PHF20L1: variants seen among roughly 807,000 people sequenced by gnomAD.
The protein encoded by PHF20L1 is PHD finger protein 20 like 1.
Under a neutral mutation model 125.5 loss-of-function variants are expected in PHF20L1, and 44 were observed. The ratio of observed to expected loss-of-function variants is 0.35; its 90% CI spans 0.28 to 0.45. The LOEUF (loss-of-function observed/expected upper bound fraction) is 0.45. Ranked by LOEUF, PHF20L1 falls within the 20% of genes least tolerant of loss-of-function variation. The probability of loss-of-function intolerance (pLI) is 1.00; values close to 1 mark genes in which losing one functional copy is unlikely to be tolerated. For synonymous variants in PHF20L1, 380 were observed against 403.1 expected, an observed-to-expected ratio of 0.94 and a Z score of 0.69; for missense variants, 1,012 against 1,217.2, an observed-to-expected ratio of 0.83 and a Z score of 2.51.
chr8:132,830,900 T>C (rs1053638429), intron 14 of PHF20L1, among the ~76,000 whole-genome samples: 5 of 152,202 alleles, frequency 3.3e-5, no homozygotes, highest in Non-Finnish European at 7.4e-5. Flanking sequence ...TACCCACTTT[T>C]GTTGCCTTGT....
At chr8:132,778,892 C>T (rs1444897637) in intron 2 of PHF20L1, among the ~76,000 whole-genome samples, 1 of 152,136 alleles carries the variant, frequency 6.6e-6, no homozygotes. Flanking sequence ...TTGGACTTTC[C>T]CAGACTTTTT....
At chr8:132,817,273 C>T (rs1835089770) in intron 11 of PHF20L1, 66 bp from the exon 12 acceptor site, 2 of 1,318,910 alleles carry the variant, frequency 1.5e-6, no homozygotes, top group Admixed American at 1.9e-5. Flanking sequence ...CACTTTAATT[C>T]ACAGTGATAG....
At chr8:132,837,892 C>A in intron 17 of PHF20L1, 81 bp downstream of exon 17, 1 of 926,264 alleles carries the variant, frequency 1.1e-6, no homozygotes, top group Non-Finnish European at 1.8e-6. Context: ...GCTGTGTTCA[C>A]CACCACTACA....
Position 132,845,918 on chromosome 8 carries a change from G to A in PHF20L1, c.3049G>A (p.Val1017Ile), listed in dbSNP as rs1218872361. 6 of 1,610,818 alleles carry A rather than the reference G, an allele frequency of 3.7e-6. No individual in the cohort carries two copies. The highest frequency in any genetic ancestry group is 1.3e-5 in the African/African-American group (1 of 74,952). Residue 1017 changes from valine to isoleucine, a missense_variant, in exon 21 of 21, where the codon GTA becomes ATA. Coordinates refer to ENST00000395386, the MANE Select transcript of PHF20L1 (RefSeq NM_016018.5). ...ACAGCAGATAGCAACTCTTTGCTCT[G>A]TATGACAACAGTGAACACTTAATGA... Reference protein sequence around the residue: ...KVQQIATLCSV With the variant: ...KVQQIATLCSI
chr8:132,803,597 A>G, intron 6 of PHF20L1: 1 of 484,256 alleles, frequency 2.1e-6, no homozygotes, highest in South Asian at 3.0e-5. Context: ...GTTATTGAAT[A>G]TGCTTCCTAT....
intron 4 of PHF20L1, among the ~76,000 whole-genome samples, chr8:132,798,121 C>G (rs1299501573): frequency 1.3e-5 from 2 of 151,964 alleles, no homozygotes; most frequent in Non-Finnish European, 2.9e-5. Context: ...CATGGATGAC[C>G]AGATGAGATT....
chr8:132,843,205 A>C, intron 19 of PHF20L1: 1 of 1,020,942 alleles, frequency 9.8e-7, no homozygotes, highest in South Asian at 4.1e-5. Context: ...GTGAAAGTAC[A>C]TATGGGTGTA....
chr8:132,815,659 A>G (rs1834895564), intron 10 of PHF20L1: 1 of 151,924 alleles, frequency 6.6e-6, no homozygotes, highest in African/African-American at 2.4e-5. Context: ...TCCTTATTCC[A>G]TATTGTGTCT....
Position 132,846,170 on chromosome 8 carries a change from G to A in PHF20L1, c.*247G>A, listed in dbSNP as rs979267207. The A allele has an allele frequency of 9.1e-5, 35 of 385,902 alleles. No homozygotes were observed. Among genetic ancestry groups the A allele is most frequent in the Non-Finnish European group, 5.7e-5 (12 of 210,910 alleles). 23.9% of individuals were successfully genotyped at this position (385,902 alleles called of 1,614,324 possible). On this transcript the variant is annotated 3_prime_UTR_variant, in exon 21 of 21. Transcript: ENST00000395386. ...GTGTTATATGCCAAGGAACAATGAA[G>A]TAGAATATAATGTATACTAAGGGAT...
chr8:132,791,518 G>C (rs566667963), intron 2 of PHF20L1, among the ~76,000 whole-genome samples: 5 of 152,196 alleles, frequency 3.3e-5, no homozygotes, highest in Non-Finnish European at 7.4e-5. Context: ...CTCCCAAAGT[G>C]CTGGGATTAC....
intron 12 of PHF20L1, among the ~76,000 whole-genome samples, chr8:132,821,486 C>G (rs1563830275): frequency 1.3e-5 from 2 of 151,950 alleles, no homozygotes; most frequent in African/African-American, 2.4e-5. Flanking sequence ...TTTACATTTA[C>G]TATTTAAAAG....
rs767149884 is a variant in PHF20L1, at chr8:132,836,576, C to T, written c.1946C>T (p.Thr649Met). 7.4e-6 allele frequency: 12 copies of T among 1,611,600 alleles called. No individual in the cohort carries two copies. The highest frequency in any genetic ancestry group is 1.1e-5 in the South Asian group (1 of 91,022). ...GTAGACTTCCTAGATGATTCTTCAA[C>T]GGAGAGTTTGCTTCTGAGTGGGGAT... ...SDVDFLDDSS[T>M]ESLLLSGDEY... is the part of the protein sequence containing the mutation. The change falls in exon 16 of 21, where the codon ACG (threonine) becomes ATG (methionine). Residue 649 changes from threonine to methionine, a missense_variant. Thr to Met is a moderately conservative substitution (Grantham distance 81). Coordinates refer to ENST00000395386, the MANE Select transcript of PHF20L1 (RefSeq NM_016018.5).
At chr8:132,805,004 G>A (rs779008141) in intron 8 of PHF20L1, among the ~76,000 whole-genome samples, 4 of 151,880 alleles carry the variant, frequency 2.6e-5, no homozygotes, top group Admixed American at 1.3e-4. Flanking sequence ...ACAAAGCTCA[G>A]TGATTTTTAA....
At chr8:132,814,964 G>A in intron 10 of PHF20L1, 75 bp downstream of exon 10, 2 of 1,168,466 alleles carry the variant, frequency 1.7e-6, no homozygotes, top group East Asian at 2.6e-5. Context: ...TAGTTATATT[G>A]TATTTTTATG....
Position 132,847,103 on chromosome 8 carries a change from CAT to C in PHF20L1, c.*1181_*1182del, listed in dbSNP as rs1391805680. ...CTAGGTCCTACTGTCTGCCAGTACT[CAT>C]GTGAGTTGTATGTGCCCCCAGTGCT... is the stretch of plus-strand genomic sequence containing the variant. On this transcript the variant is annotated 3_prime_UTR_variant, in exon 21 of 21. Transcript: ENST00000395386. 6.6e-6 allele frequency: 1 copy of C among 152,584 alleles called. No individual in the cohort carries two copies. The highest frequency in any genetic ancestry group is 1.5e-5 in the Non-Finnish European group (1 of 68,014). The allele number at this position is 152,584 out of a possible 1,614,324, so 9.5% of individuals were successfully genotyped here. A position where few individuals can be genotyped will look rare whatever the true frequency, so the allele number is the denominator to read the frequency against.
chr8:132,811,389 C>G, intron 9 of PHF20L1: 1 of 1,147,312 alleles, frequency 8.7e-7, no homozygotes, highest in Non-Finnish European at 1.1e-6. Context: ...AGGGTATAAG[C>G]TTCCAGCTGG....
Position 132,817,409 on chromosome 8 carries a change from A to G in PHF20L1, c.1443A>G (p.Ser481=). The change falls in exon 12 of 21, where the codon TCA becomes TCG. Residue 481 remains serine, a synonymous_variant. Transcript: ENST00000395386. ...PCLPLDLSRG[S]EVTAPVASDS... The stretch of plus-strand genomic sequence containing the variant: ...TCCCTCTTGACTTAAGTCGTGGTTC[A>G]GAAGTTACAGCACCGGTAGCCTCAG... 6.2e-7 allele frequency: 1 copy of G among 1,612,864 alleles called. No individual in the cohort carries two copies. The highest frequency in any genetic ancestry group is 8.5e-7 in the Non-Finnish European group (1 of 1,179,234).
intron 2 of PHF20L1, among the ~76,000 whole-genome samples, chr8:132,792,381 A>G (rs1831831026): frequency 6.6e-6 from 1 of 152,202 alleles, no homozygotes; most frequent in Admixed American, 6.5e-5. Flanking sequence ...CAAGTATTAC[A>G]GGATTGATTC....
At chr8:132,819,674 T>G (rs535524347) in intron 12 of PHF20L1, among the ~76,000 whole-genome samples, 56 of 152,080 alleles carry the variant, frequency 3.7e-4, no homozygotes, top group African/African-American at 1.3e-3. Context: ...CAGGTTTTTA[T>G]GTTTTTATTT....
Sources: allele counts gnomAD v4.1 joint callset (sites outside exome capture counted in the v4.1 genomes callset), GRCh38; gene constraint gnomAD v4.1.1; transcripts MANE v1.5; gene names NCBI Gene and HGNC (gene_info 2026-07-23, HGNC 2026-07-21).